Variants in DZIP3 observed in about 807,000 individuals in gnomAD.
The protein encoded by DZIP3 is DAZ interacting zinc finger protein 3, also known as E3 ubiquitin-protein ligase DZIP3.
Under a neutral mutation model 162.0 loss-of-function variants are expected in DZIP3, and 118 were observed. The ratio of observed to expected loss-of-function variants is 0.73; its 90% CI spans 0.63 to 0.85. DZIP3 has a LOEUF of 0.85. Ranked by LOEUF, DZIP3 falls within the 40% of genes least tolerant of loss-of-function variation. The pLI is 0.00. For missense variants in DZIP3, 1,331 were observed against 1,407.0 expected, an observed-to-expected ratio of 0.95 and a Z score of 0.86; for synonymous variants, 438 against 458.6, an observed-to-expected ratio of 0.96 and a Z score of 0.57.
intron 10 of DZIP3, 30 bp from the exon 11 acceptor site, chr3:108,636,586 A>G: frequency 7.1e-7 from 1 of 1,413,208 alleles, no homozygotes; most frequent in Admixed American, 2.4e-5. Context: ...ATTTTTTTCT[A>G]TTTTTATTTT....
In DZIP3 at chr3:108,663,516, G is replaced by GT. The variant is rs1386438503; in HGVS notation, c.2423+1261dup. Among the ~76,000 whole-genome samples the GT allele has an allele frequency of 2.7e-5, 4 of 147,954 alleles. No individual in the cohort carries two copies. The Admixed American group carries it at 2.7e-4, about 10-fold the overall frequency. ...GGTTGCAGTGAGCCGAGATCGTGCCGTTGCACTCCAGTCTGGGGAACAAGA... is the reference window on the plus strand; with the variant it reads ...GGTTGCAGTGAGCCGAGATCGTGCCGTTTGCACTCCAGTCTGGGGAACAAGA... On this transcript the variant is annotated intron_variant, in intron 21 of 32. Transcript: ENST00000361582.
chr3:108,625,909 G>C lies in DZIP3; in HGVS notation c.521G>C (p.Cys174Ser), dbSNP rs1425573332. The C allele has an allele frequency of 6.2e-7, 1 of 1,613,624 alleles. No homozygotes were observed. The highest frequency in any genetic ancestry group is 1.1e-5 in the South Asian group (1 of 91,038). ...ATGATGATCCAAGAAAATGAAATTT[G>C]TGAAAACTTTATGTCTTTAGTTTAT... ...MKMMIQENEI[C>S]ENFMSLVYFG... Residue 174 changes from cysteine to serine, a missense_variant, in exon 7 of 33, where the codon TGT becomes TCT. Around this residue, in one of 2 missense-constraint regions of DZIP3, gnomAD observed 1,278 missense variants for 1,317.1 expected, o/e 0.97. Coordinates refer to ENST00000361582, the MANE Select transcript of DZIP3 (RefSeq NM_014648.4).
At chr3:108,670,994 G>GT (rs1440631149) in intron 22 of DZIP3, among the ~76,000 whole-genome samples, 1 of 151,746 alleles carries the variant, frequency 6.6e-6, no homozygotes, top group African/African-American at 2.4e-5. Flanking sequence ...TTATTGTTGA[G>GT]TTTTAAGAGT....
At chr3:108,634,090 G>A (rs1013381985) in intron 9 of DZIP3, among the ~76,000 whole-genome samples, 1 of 151,992 alleles carries the variant, frequency 6.6e-6, no homozygotes, top group Non-Finnish European at 1.5e-5. Context: ...TATCTTAATT[G>A]CGAGGCATGA....
chr3:108,654,853 T>C (rs920360820), intron 19 of DZIP3, among the ~76,000 whole-genome samples: 1 of 152,160 alleles, frequency 6.6e-6, no homozygotes, highest in Non-Finnish European at 1.5e-5. Context: ...AATGAAATAA[T>C]TTTTTAAAAA....
intron 11 of DZIP3, 90 bp from the exon 12 acceptor site, chr3:108,637,406 G>C: frequency 8.7e-7 from 1 of 1,150,700 alleles, no homozygotes; most frequent in South Asian, 1.3e-5. Context: ...CACTCTCATT[G>C]TATGTTTCAA....
At chr3:108,648,480 T>A (rs1212536006) in intron 16 of DZIP3, 1 of 168,102 alleles carries the variant, frequency 5.9e-6, no homozygotes, top group Non-Finnish European at 1.3e-5. Context: ...CAAAACCATT[T>A]GCGCAGAGGT....
At chr3:108,640,284 A>G (rs961924046) in intron 12 of DZIP3, among the ~76,000 whole-genome samples, 1 of 149,994 alleles carries the variant, frequency 6.7e-6, no homozygotes, top group Admixed American at 6.6e-5. Context: ...TACTTTTTCT[A>G]TCAGTTACTC....
At chr3:108,614,275 T>C (rs1291020679) in intron 4 of DZIP3, among the ~76,000 whole-genome samples, 1 of 152,130 alleles carries the variant, frequency 6.6e-6, no homozygotes, top group Non-Finnish European at 1.5e-5. Context: ...TGAATGAACA[T>C]GAAAACATAA....
intron 5 of DZIP3, among the ~76,000 whole-genome samples, chr3:108,623,048 G>C (rs914445933): frequency 6.6e-6 from 1 of 151,758 alleles, no homozygotes; most frequent in Admixed American, 6.6e-5. Context: ...CCTATACTGA[G>C]TCTCTTCTTT....
At chr3:108,589,520 C>A, upstream of DZIP3, 2 of 585,314 alleles carry the variant, frequency 3.4e-6, no homozygotes, top group East Asian at 6.0e-5. Context: ...AGTCCCTAGG[C>A]ACCCTAGGGG....
intron 4 of DZIP3, among the ~76,000 whole-genome samples, chr3:108,612,777 C>CTATT (rs1299468142): frequency 2.6e-5 from 4 of 151,850 alleles, no homozygotes; most frequent in Non-Finnish European, 5.9e-5. Context: ...TGTATTCTTT[C>CTATT]TATTTATTTA....
chr3:108,631,048 C>T (rs1392689712), intron 8 of DZIP3, among the ~76,000 whole-genome samples: 8 of 116,808 alleles, frequency 6.8e-5, no homozygotes, highest in African/African-American at 2.0e-4. Context: ...CACACACACA[C>T]ACACACACTC....
chr3:108,637,675 A>T, intron 12 of DZIP3, 127 bp downstream of exon 12: 1 of 507,486 alleles, frequency 2.0e-6, no homozygotes, highest in Non-Finnish European at 3.1e-6. Context: ...TGAAAAAATC[A>T]TATTTAATTG....
intron 17 of DZIP3, among the ~76,000 whole-genome samples, chr3:108,649,663 A>G (rs1308900023): frequency 6.6e-6 from 1 of 151,856 alleles, no homozygotes; most frequent in Non-Finnish European, 1.5e-5. Context: ...GAGTGAGAAT[A>G]TTTGCCCAAC....
intron 19 of DZIP3, among the ~76,000 whole-genome samples, chr3:108,658,598 AAC>A (rs1382128824): frequency 2.0e-5 from 3 of 151,678 alleles, no homozygotes; most frequent in Non-Finnish European, 2.9e-5. Flanking sequence ...AGCAAGAGCA[AAC>A]ACATTCAAAA....
chr3:108,599,231 T>C (rs947043794), intron 1 of DZIP3, among the ~76,000 whole-genome samples: 1 of 152,214 alleles, frequency 6.6e-6, no homozygotes, highest in Admixed American at 6.5e-5. Flanking sequence ...TCTTTTGGGA[T>C]AGAAAATATC....
chr3:108,651,303 G>A (rs1356442881), intron 18 of DZIP3, 141 bp downstream of exon 18: 3 of 244,182 alleles, frequency 1.2e-5, no homozygotes, highest in African/African-American at 2.3e-5. Flanking sequence ...TAATTAACAA[G>A]TTGCTGCTTT....
At chr3:108,675,740 T>A in intron 24 of DZIP3, 46 bp from the exon 25 acceptor site, 2 of 1,536,440 alleles carry the variant, frequency 1.3e-6, no homozygotes, top group Non-Finnish European at 1.8e-6. Context: ...AACCTAAGTG[T>A]TATAAAAAGA....
Sources: gnomAD v4.1 joint callset for allele counts (sites outside exome capture counted in the v4.1 genomes callset) on GRCh38, gnomAD v4.1.1 for gene constraint, gnomAD v4.1.1 regional missense constraint, MANE v1.5 for transcripts, NCBI Gene and HGNC (gene_info 2026-07-23, HGNC 2026-07-21) for gene names.